The following ZNF730 variants were observed in gnomAD, a reference collection of about 807,000 sequenced individuals.
ZNF730 encodes putative zinc finger protein 730.
In ZNF730, 12 loss-of-function variants were observed where a neutral mutation model predicts 12.6. The ratio of observed to expected loss-of-function variants is 0.95; its 90% CI spans 0.61 to 1.54. The LOEUF (loss-of-function observed/expected upper bound fraction) is 1.54, where lower values mean the gene tolerates loss of function less well. ZNF730 is among the 40% of genes most tolerant of loss of function. The pLI is 0.00. For missense variants in ZNF730, 643 were observed against 583.5 expected (o/e 1.10, Z -1.05); for synonymous variants, 194 against 195.8 (o/e 0.99, Z 0.08).
intron 1 of ZNF730, among the ~76,000 whole-genome samples, chr19:23,130,300 T>G (rs1342613883): frequency 6.6e-6 from 1 of 152,218 alleles, no homozygotes; most frequent in Non-Finnish European, 1.5e-5. Context: ...ACTATCTATG[T>G]AAAATGTGAC....
rs763462867 is a variant in ZNF730, at chr19:23,145,878, T to C, written c.834T>C (p.His278=). 2 of 1,610,612 alleles carry C rather than the reference T, an allele frequency of 1.2e-6. No homozygotes were observed. The highest frequency in any genetic ancestry group is 1.7e-6 in the Non-Finnish European group (2 of 1,179,502). Residue 278 remains histidine (H), a synonymous_variant, in exon 4 of 4, where the codon CAT becomes CAC. Transcript: ENST00000597761. The stretch of plus-strand genomic sequence containing the variant: ...ACCTTACTACACATAAAAGAATTCA[T>C]ACTGGAGAGAAACCCTATAAATGTG... ...STNLTTHKRI[H]TGEKPYKCEE... is the part of the protein sequence containing the mutation.
intron 1 of ZNF730, among the ~76,000 whole-genome samples, chr19:23,119,121 G>C (rs1159115959): frequency 6.6e-6 from 1 of 152,158 alleles, no homozygotes; most frequent in Non-Finnish European, 1.5e-5. Context: ...TCTTGCTCCA[G>C]TTTTCAAGAA....
At chr19:23,119,641 A>T (rs1970574196) in intron 1 of ZNF730, among the ~76,000 whole-genome samples, 1 of 151,992 alleles carries the variant, frequency 6.6e-6, no homozygotes, top group Non-Finnish European at 1.5e-5. Context: ...ACATGGTGAA[A>T]CCCTGTCTCT....
At position 23,100,630 on chromosome 19, in the gene ZNF730, CTTTTTTTTTTTTTTTTTTTTTT is replaced by C. The variant is rs201462781; in HGVS notation, c.-94+25265_-94+25286del. Among the ~76,000 whole-genome samples, 842 of 118,532 alleles carry C rather than the reference CTTTTTTTTTTTTTTTTTTTTTT, an allele frequency of 7.1e-3. 8 individuals carry two copies. The highest frequency in any genetic ancestry group is 0.031 in the African/African-American group (800 of 25,430). 77.8% of individuals were successfully genotyped at this position (118,532 alleles called of 152,430 possible). A position where few individuals can be genotyped will look rare whatever the true frequency, so the allele number is the denominator to read the frequency against. ...TCTAGCCACAATTTGGATGGTGATT[CTTTTTTTTTTTTTTTTTTTTTT>C]TTTTTTTTTTTTTTTTTTTTTGAGA... On this transcript the variant is annotated intron_variant, in intron 1 of 2. Coordinates refer to the ZNF730 transcript ENST00000593635.
chr19:23,099,822 G>A (rs1970308470), intron 1 of ZNF730, among the ~76,000 whole-genome samples: 2 of 152,132 alleles, frequency 1.3e-5, no homozygotes, highest in Admixed American at 6.6e-5. Context: ...TGAGTTATTT[G>A]ACTCTCACCT....
intron 1 of ZNF730, among the ~76,000 whole-genome samples, chr19:23,089,533 T>C (rs1418389253): frequency 1.3e-5 from 2 of 152,138 alleles, no homozygotes; most frequent in African/African-American, 2.4e-5. Context: ...TCTCGTGATA[T>C]TGAATAAGTC....
chr19:23,127,443 T>A, intron 1 of ZNF730: 1 of 1,088,054 alleles, frequency 9.2e-7, no homozygotes. Context: ...TCTTCCTTTG[T>A]CATTGACCCT....
At chr19:23,133,028 G>C (rs1212614247) in intron 1 of ZNF730, among the ~76,000 whole-genome samples, 1 of 152,124 alleles carries the variant, frequency 6.6e-6, no homozygotes, top group Admixed American at 6.5e-5. Flanking sequence ...TAGTCCAGTT[G>C]ATATTAGTAA....
At chr19:23,110,556 C>T (rs1474468071) in intron 1 of ZNF730, among the ~76,000 whole-genome samples, 1 of 152,004 alleles carries the variant, frequency 6.6e-6, no homozygotes, top group Non-Finnish European at 1.5e-5. Context: ...GCTGGGATTA[C>T]AGGCATGAGC....
chr19:23,141,043 G>A (rs1022172790), intron 3 of ZNF730, among the ~76,000 whole-genome samples: 1 of 151,958 alleles, frequency 6.6e-6, no homozygotes, highest in South Asian at 2.1e-4. Flanking sequence ...CAAAAGGATC[G>A]CTTGAGCCCC....
At chr19:23,087,407 C>A (rs1178466697) in intron 1 of ZNF730, among the ~76,000 whole-genome samples, 1 of 151,118 alleles carries the variant, frequency 6.6e-6, no homozygotes, top group Non-Finnish European at 1.5e-5. Flanking sequence ...GATTCCGTCT[C>A]AAAGAAAAAA....
intron 1 of ZNF730, among the ~76,000 whole-genome samples, 185 bp downstream of exon 1, chr19:23,117,361 C>T (rs1172907610): frequency 6.6e-6 from 1 of 152,162 alleles, no homozygotes; most frequent in Non-Finnish European, 1.5e-5. Context: ...GCCGGGGCCC[C>T]GGCGTCCTGT....
chr19:23,109,876 A>G (rs1288313613), intron 1 of ZNF730, among the ~76,000 whole-genome samples: 2 of 151,706 alleles, frequency 1.3e-5, no homozygotes, highest in Non-Finnish European at 2.9e-5. Flanking sequence ...AATCTAATTT[A>G]TCTGAGTATA....
intron 1 of ZNF730, chr19:23,095,144 C>T (rs1970227082): frequency 5.3e-6 from 2 of 376,894 alleles, no homozygotes; most frequent in Non-Finnish European, 9.4e-6. Flanking sequence ...ATCACTGGAC[C>T]CAGCACTGAG....
chr19:23,147,069 C>A lies in ZNF730; in HGVS notation c.*513C>A. 4.0e-6 allele frequency: 1 copy of A among 251,326 alleles called. No homozygotes were observed. The highest frequency in any genetic ancestry group is 7.8e-6 in the Non-Finnish European group (1 of 128,632). 15.6% of individuals were successfully genotyped at this position (251,326 alleles called of 1,614,324 possible). On this transcript the variant is annotated 3_prime_UTR_variant, in exon 4 of 4. Coordinates refer to ENST00000597761, the MANE Select transcript of ZNF730 (RefSeq NM_001277403.2). Reference sequence around the variant, plus strand: ...ACTTCTACAAGTGTAAACAAAGTGGCAAAACTTTTAACCAATGCTCACACT... The same window carrying A: ...ACTTCTACAAGTGTAAACAAAGTGGAAAAACTTTTAACCAATGCTCACACT...
At chr19:23,098,343 A>G (rs1009022030) in intron 1 of ZNF730, 1 of 152,150 alleles carries the variant, frequency 6.6e-6, no homozygotes, top group African/African-American at 2.4e-5. Context: ...CACCTAGGTT[A>G]TGTGAATCCT....
At chr19:23,086,266 C>T (rs568520487) in intron 1 of ZNF730, among the ~76,000 whole-genome samples, 3 of 152,256 alleles carry the variant, frequency 2.0e-5, no homozygotes, top group East Asian at 3.9e-4. Flanking sequence ...GTTCTGTTTA[C>T]TCTGTTCATA....
At chr19:23,116,962 CGGGGGG>C (rs1970535641), upstream of ZNF730, 20 of 410,872 alleles carry the variant, frequency 4.9e-5, no homozygotes, top group Non-Finnish European at 7.3e-5. Context: ...GGACACTGGG[CGGGGGG>C]CCGTCCAATC....
In ZNF730 at chr19:23,145,625, T is replaced by A. The variant is rs776941884; in HGVS notation, c.581T>A (p.Ile194Asn). 13 of 1,548,976 alleles carry A rather than the reference T, an allele frequency of 8.4e-6. No individual in the cohort carries two copies. The African/African-American group carries it at 1.2e-4, about 15-fold the overall frequency. ...ILSHLAQHKK[I>N]HTGEKSYKCE... is the part of the protein sequence containing the mutation. The stretch of plus-strand genomic sequence containing the variant: ...TCACACTTAGCTCAACATAAAAAAA[T>A]TCATACTGGAGAGAAATCCTACAAA... Residue 194 changes from isoleucine (I) to asparagine (N), a missense_variant, in exon 4 of 4, where the codon ATT becomes AAT. Ile to Asn is a moderately radical substitution (Grantham distance 149). Coordinates refer to ENST00000597761, the MANE Select transcript of ZNF730 (RefSeq NM_001277403.2).
Sources: gnomAD v4.1 joint callset for allele counts (sites outside exome capture counted in the v4.1 genomes callset) on GRCh38, gnomAD v4.1.1 for gene constraint, MANE v1.5 for transcripts, NCBI Gene and HGNC (gene_info 2026-07-23, HGNC 2026-07-21) for gene names.